The following TBXAS1 variants were observed in gnomAD, a reference collection of about 807,000 sequenced individuals.
TBXAS1 encodes thromboxane A synthase 1.
TBXAS1 carries 48 observed loss-of-function variants against 60.7 expected under a neutral mutation model. That is an observed-to-expected ratio of 0.79 (90% CI 0.63 to 1.01). TBXAS1 has a LOEUF of 1.01. Ranked by LOEUF, TBXAS1 falls within the 50% of genes least tolerant of loss-of-function variation. The probability of loss-of-function intolerance (pLI) is 0.00; values close to 1 mark genes in which losing one functional copy is unlikely to be tolerated. For missense variants in TBXAS1, 685 were observed against 686.3 expected, an observed-to-expected ratio of 1.00 and a Z score of 0.02; for synonymous variants, 287 against 269.7, an observed-to-expected ratio of 1.06 and a Z score of -0.63.
intron 4 of TBXAS1, among the ~76,000 whole-genome samples, chr7:139,819,220 G>T (rs915940778): frequency 6.6e-6 from 1 of 152,148 alleles, no homozygotes; most frequent in Non-Finnish European, 1.5e-5. Flanking sequence ...TCCAGGCCTG[G>T]CCTGTAAAAT....
chr7:139,790,038 T>C (rs1204832550), intron 4 of TBXAS1, among the ~76,000 whole-genome samples: 2 of 152,242 alleles, frequency 1.3e-5, no homozygotes, highest in African/African-American at 4.8e-5. Context: ...GCAACATCAT[T>C]ATTTAGGCCC....
intron 1 of TBXAS1, among the ~76,000 whole-genome samples, chr7:139,866,143 A>G (rs1278025881): frequency 6.6e-6 from 1 of 152,202 alleles, no homozygotes; most frequent in Admixed American, 6.5e-5. Context: ...AGCTGGGACA[A>G]ACTTTATGGA....
rs1267558803 is a variant in TBXAS1, at chr7:139,999,331, C to T, written c.1135-7760C>T. Among the ~76,000 whole-genome samples, 4 of 152,228 alleles carry T rather than the reference C, an allele frequency of 2.6e-5. No individual in the cohort carries two copies. The highest frequency in any genetic ancestry group is 9.6e-5 in the African/African-American group (4 of 41,456). ...CCTGAGGTCAGGAGTTCAAGACCAGCCTGGCCAACATGGTAAAACCCCGTC... is the reference window on the plus strand; with the variant it reads ...CCTGAGGTCAGGAGTTCAAGACCAGTCTGGCCAACATGGTAAAACCCCGTC... On this transcript the variant is annotated intron_variant, in intron 9 of 12. Coordinates refer to ENST00000448866, the MANE Select transcript of TBXAS1 (RefSeq NM_001061.7). This position sits in a 1 kb window ranked among gnomAD's most constrained non-coding sequence, Gnocchi z 4.3.
chr7:139,996,089 C>T (rs1813263696), intron 9 of TBXAS1, among the ~76,000 whole-genome samples: 1 of 152,110 alleles, frequency 6.6e-6, no homozygotes, highest in African/African-American at 2.4e-5. Flanking sequence ...CCACCTCGGC[C>T]TCCCGAGTAG....
chr7:139,912,914 G>A (rs1805650791), intron 4 of TBXAS1: 1 of 589,666 alleles, frequency 1.7e-6, no homozygotes, highest in Non-Finnish European at 3.1e-6. Context: ...TTAACACGAG[G>A]AAGAGCAGGG....
At chr7:139,919,132 A>G (rs1218735088) in intron 4 of TBXAS1, among the ~76,000 whole-genome samples, 2 of 152,180 alleles carry the variant, frequency 1.3e-5, no homozygotes, top group Admixed American at 6.5e-5. Flanking sequence ...TTGGGGTTAT[A>G]CAAGTGACAG....
chr7:140,017,632 C>T (rs199684190), intron 11 of TBXAS1, 39 bp from the exon 12 acceptor site: 68 of 1,609,148 alleles, frequency 4.2e-5, no homozygotes, highest in Non-Finnish European at 4.7e-5. Context: ...GGGGAGGGAG[C>T]GGGTGTTCTG....
chr7:139,937,822 T>G (rs377611531), intron 5 of TBXAS1, among the ~76,000 whole-genome samples: 1 of 151,176 alleles, frequency 6.6e-6, no homozygotes, highest in African/African-American at 2.4e-5. Flanking sequence ...GCTACCTCCA[T>G]GTGATTTTCC....
rs199422116 is a variant in TBXAS1, at chr7:140,017,747, G to T, written c.1441G>T (p.Gly481Trp). Residue 481 changes from glycine (G) to tryptophan (W), a missense_variant, in exon 12 of 13, where the codon GGG becomes TGG. Physicochemically the swap from Gly to Trp is radical, Grantham distance 184. Coordinates refer to ENST00000448866, the MANE Select transcript of TBXAS1 (RefSeq NM_001061.7). The stretch of plus-strand genomic sequence containing the variant: ...CGGGGCCGGCCCACGGAGCTGCCTC[G>T]GGGTGCGTCTAGGGCTGCTTGAGGT... Reference protein sequence around the residue: ...PFGAGPRSCLGVRLGLLEVKL... With the variant: ...PFGAGPRSCLWVRLGLLEVKL... 6.2e-7 allele frequency: 1 copy of T among 1,614,066 alleles called. No homozygotes were observed. The highest frequency in any genetic ancestry group is 2.2e-5 in the East Asian group (1 of 44,858).
chr7:139,794,592 C>G (rs1224739253), intron 4 of TBXAS1, among the ~76,000 whole-genome samples: 2 of 151,532 alleles, frequency 1.3e-5, no homozygotes, highest in Non-Finnish European at 2.9e-5. Context: ...TATACATGTG[C>G]CATGCTGATG....
At chr7:139,780,634 GT>G (rs1351448672) in intron 1 of TBXAS1, 1 of 154,384 alleles carries the variant, frequency 6.5e-6, no homozygotes, top group Non-Finnish European at 1.5e-5. Flanking sequence ...TAGAGAGAGA[GT>G]TTTATATAGA....
chr7:139,821,319 G>A (rs1056849936), intron 4 of TBXAS1, among the ~76,000 whole-genome samples: 5 of 152,178 alleles, frequency 3.3e-5, no homozygotes, highest in African/African-American at 1.2e-4. Context: ...TGTCCAGTGG[G>A]CAGCTGGATA....
At chr7:139,986,316 A>G (rs1377316902) in intron 9 of TBXAS1, among the ~76,000 whole-genome samples, 1 of 152,208 alleles carries the variant, frequency 6.6e-6, no homozygotes, top group African/African-American at 2.4e-5. Flanking sequence ...ACAGCTGAGA[A>G]GTGGTGAAGC....
intron 9 of TBXAS1, among the ~76,000 whole-genome samples, chr7:139,989,698 C>T (rs181324422): frequency 5.3e-5 from 8 of 152,324 alleles, no homozygotes; most frequent in South Asian, 2.1e-4. Context: ...CCGTGGCCTA[C>T]GCAGATCCTT....
At chr7:139,805,408 C>T (rs1209119364) in intron 4 of TBXAS1, among the ~76,000 whole-genome samples, 2 of 152,212 alleles carry the variant, frequency 1.3e-5, no homozygotes, top group Non-Finnish European at 2.9e-5. Context: ...GCCTGGGGCT[C>T]CAGTGCCACA....
intron 4 of TBXAS1, among the ~76,000 whole-genome samples, chr7:139,800,755 CT>C (rs1255037264): frequency 1.3e-5 from 2 of 152,138 alleles, no homozygotes; most frequent in East Asian, 3.8e-4. Flanking sequence ...AATATTCTCC[CT>C]TCTATCTGAG....
At chr7:139,845,340 C>T (rs1277481442) in intron 1 of TBXAS1, among the ~76,000 whole-genome samples, 1 of 152,092 alleles carries the variant, frequency 6.6e-6, no homozygotes, top group Non-Finnish European at 1.5e-5. Flanking sequence ...TAACTCCCCT[C>T]GCTTCTCACC....
chr7:139,870,786 A>T (rs1424985025), intron 1 of TBXAS1, among the ~76,000 whole-genome samples: 1 of 152,208 alleles, frequency 6.6e-6, no homozygotes, highest in Non-Finnish European at 1.5e-5. Context: ...CCTTGTGACC[A>T]CTTTAAAAAT....
At chr7:139,905,218 C>T (rs1456553231) in intron 3 of TBXAS1, among the ~76,000 whole-genome samples, 1 of 151,950 alleles carries the variant, frequency 6.6e-6, no homozygotes, top group Non-Finnish European at 1.5e-5. Context: ...ATGCTTTCAG[C>T]TTTTCCCCAT....
Sources: allele counts gnomAD v4.1 joint callset (sites outside exome capture counted in the v4.1 genomes callset), GRCh38; gene constraint gnomAD v4.1.1; non-coding constraint Gnocchi (gnomAD v3.1); transcripts MANE v1.5; gene names NCBI Gene and HGNC (gene_info 2026-07-23, HGNC 2026-07-21).